Variants in NR3C2 observed in about 807,000 individuals in gnomAD.
The protein encoded by NR3C2 is mineralocorticoid receptor.
A neutral mutation model predicts 86.4 loss-of-function variants in NR3C2; 15 were observed. That is an observed-to-expected ratio of 0.17 (90% CI 0.12 to 0.27). The LOEUF is 0.27. Among genes scored for constraint, NR3C2 ranks in the 10% least tolerant of loss-of-function variants. The pLI is 1.00. For synonymous variants in NR3C2, 458 were observed against 450.5 expected (o/e 1.02, Z -0.21); for missense variants, 960 against 1,195.6 (o/e 0.80, Z 2.91).
At chr4:148,442,971 G>T, upstream of NR3C2, 1 of 985,300 alleles carries the variant, frequency 1.0e-6, no homozygotes, top group Non-Finnish European at 1.2e-6. Flanking sequence ...GTGAGCTGCA[G>T]CCCAGACCCT....
At chr4:148,399,569 T>C (rs1475389359) in intron 2 of NR3C2, among the ~76,000 whole-genome samples, 1 of 152,050 alleles carries the variant, frequency 6.6e-6, no homozygotes, top group African/African-American at 2.4e-5. Context: ...AAAATAATTT[T>C]AACCTTAGTT....
At chr4:148,086,282 G>C (rs781474023) in intron 8 of NR3C2, among the ~76,000 whole-genome samples, 1 of 152,142 alleles carries the variant, frequency 6.6e-6, no homozygotes, top group Non-Finnish European at 1.5e-5. Flanking sequence ...TATCTACCAC[G>C]ATCAAGTCGG....
At chr4:148,391,339 AT>A (rs1289747832) in intron 2 of NR3C2, among the ~76,000 whole-genome samples, 5 of 152,252 alleles carry the variant, frequency 3.3e-5, no homozygotes, top group Non-Finnish European at 7.3e-5. Flanking sequence ...TATGAAAAAA[AT>A]CAAGGTTTTC....
chr4:148,083,654 G>A (rs770781474), intron 8 of NR3C2, among the ~76,000 whole-genome samples: 28 of 152,086 alleles, frequency 1.8e-4, no homozygotes, highest in Admixed American at 5.2e-4. Flanking sequence ...ACAACTCCTC[G>A]TCAGCAAGGG....
chr4:148,316,086 GGATTT>G (rs1240757566), intron 2 of NR3C2, among the ~76,000 whole-genome samples: 1 of 152,050 alleles, frequency 6.6e-6, no homozygotes, highest in African/African-American at 2.4e-5. Flanking sequence ...ACATGACATA[GGATTT>G]AAGATTTTCA....
At chr4:148,232,370 A>G (rs376659363) in intron 3 of NR3C2, among the ~76,000 whole-genome samples, 1 of 152,372 alleles carries the variant, frequency 6.6e-6, no homozygotes, top group African/African-American at 2.4e-5. Context: ...GTACATCTGC[A>G]TTAGAGTTCT....
At chr4:148,392,381 G>A (rs1747632399) in intron 2 of NR3C2, among the ~76,000 whole-genome samples, 2 of 152,152 alleles carry the variant, frequency 1.3e-5, no homozygotes, top group Admixed American at 6.5e-5. Context: ...ATTCACTATA[G>A]GAAACCAAGT....
chr4:148,370,067 C>A (rs61762849), intron 2 of NR3C2, among the ~76,000 whole-genome samples: 5,646 of 152,240 alleles, frequency 0.037, 160 homozygotes, highest in Non-Finnish European at 0.051. Flanking sequence ...GTTTTTCTAG[C>A]GGTGGTGATG....
chr4:148,191,930 T>C (rs1327878196), intron 4 of NR3C2, among the ~76,000 whole-genome samples: 1 of 152,234 alleles, frequency 6.6e-6, no homozygotes, highest in African/African-American at 2.4e-5. Flanking sequence ...GGGCTTTGCC[T>C]TTCTCTGGTC....
At chr4:148,192,011 T>C (rs1736219590) in intron 4 of NR3C2, among the ~76,000 whole-genome samples, 1 of 152,224 alleles carries the variant, frequency 6.6e-6, no homozygotes, top group Non-Finnish European at 1.5e-5. Context: ...CTTCTTGGTT[T>C]GGATCCATTG....
chr4:148,344,107 G>A (rs941815650), intron 2 of NR3C2, among the ~76,000 whole-genome samples: 3 of 152,230 alleles, frequency 2.0e-5, no homozygotes, highest in South Asian at 2.1e-4. Context: ...GTCCTTATTC[G>A]TCTTTTTAGG....
intron 4 of NR3C2, among the ~76,000 whole-genome samples, chr4:148,157,519 A>G (rs1012249011): frequency 7.9e-5 from 12 of 152,136 alleles, no homozygotes; most frequent in Admixed American, 5.9e-4. Flanking sequence ...GGAAGGGTAA[A>G]TTACTTCATA....
chr4:148,287,160 C>T lies in NR3C2; in HGVS notation c.1758-27043G>A, dbSNP rs61760315. ...TATGCATGGAAACCACTTTTTTTCT[C>T]TACTGTTAACTATTTTTTTCTCTAA... On this transcript the variant is annotated intron_variant, in intron 2 of 8. Transcript: ENST00000358102. Among the ~76,000 whole-genome samples the T allele has an allele frequency of 1.5e-3, 230 of 152,156 alleles. 1 individual carries two copies. Among genetic ancestry groups the T allele is most frequent in the Non-Finnish European group, 2.7e-3 (181 of 68,008 alleles).
intron 3 of NR3C2, among the ~76,000 whole-genome samples, chr4:148,233,635 A>T (rs1157522995): frequency 6.6e-6 from 1 of 152,060 alleles, no homozygotes; most frequent in African/African-American, 2.4e-5. Context: ...GCTCAACTCA[A>T]TTGGGCTAAT....
At chr4:148,194,888 GT>G in intron 3 of NR3C2, 26 bp from the exon 4 acceptor site, 1 of 1,479,792 alleles carries the variant, frequency 6.8e-7, no homozygotes, top group Non-Finnish European at 9.4e-7. Flanking sequence ...AAAAATAACT[GT>G]TAAAATAGAG....
chr4:148,230,435 C>T (rs887718292), intron 3 of NR3C2, among the ~76,000 whole-genome samples: 9 of 152,062 alleles, frequency 5.9e-5, no homozygotes, highest in East Asian at 1.9e-4. Flanking sequence ...GGCCTCAAGT[C>T]GTCTGCCCAC....
intron 4 of NR3C2, among the ~76,000 whole-genome samples, chr4:148,181,059 C>T (rs898956664): frequency 2.0e-5 from 3 of 152,112 alleles, no homozygotes; most frequent in Non-Finnish European, 2.9e-5. Flanking sequence ...AAAGGGGGAA[C>T]GTGATATGGC....
chr4:148,229,361 A>G (rs1264359231), intron 3 of NR3C2, among the ~76,000 whole-genome samples: 1 of 152,128 alleles, frequency 6.6e-6, no homozygotes, highest in African/African-American at 2.4e-5. Flanking sequence ...TTTTTACCTA[A>G]TAAATCTGCC....
At chr4:148,148,629 C>A (rs1027523465) in intron 6 of NR3C2, among the ~76,000 whole-genome samples, 1 of 152,178 alleles carries the variant, frequency 6.6e-6, no homozygotes. Flanking sequence ...ACATGCTGGT[C>A]TCTCAGGCTA....
Sources: allele counts gnomAD v4.1 joint callset (sites outside exome capture counted in the v4.1 genomes callset), GRCh38; gene constraint gnomAD v4.1.1; transcripts MANE v1.5; gene names NCBI Gene and HGNC (gene_info 2026-07-23, HGNC 2026-07-21).